The following CPS1 variants were observed in gnomAD, a reference collection of about 807,000 sequenced individuals.
CPS1 encodes the protein carbamoyl-phosphate synthase 1.
Under a neutral mutation model 174.6 loss-of-function variants are expected in CPS1, and 109 were observed. That is an observed-to-expected ratio of 0.62 (90% CI 0.53 to 0.73). The LOEUF (loss-of-function observed/expected upper bound fraction) is 0.73, where lower values mean the gene tolerates loss of function less well. CPS1 is among the 30% of genes least tolerant of loss of function. CPS1 has a pLI of 0.00. For synonymous variants in CPS1, 637 were observed against 632.0 expected (o/e 1.01, Z -0.12); for missense variants, 1,689 against 1,821.9 (o/e 0.93, Z 1.33).
In CPS1 at chr2:210,629,354, G is replaced by A. The variant is rs181628218; in HGVS notation, c.2688-8348G>A. Among the ~76,000 whole-genome samples, 186 of 151,254 alleles carry A rather than the reference G, an allele frequency of 1.2e-3. 2 individuals are homozygous for A. In the East Asian group the frequency reaches 0.029, roughly 24 times the overall value. ...TTTTGAGACGGAGTCTCGCTCTGTC[G>A]CCCAGGCTGGAGTGCAGTGGCGCGA... On this transcript the variant is annotated intron_variant, in intron 21 of 37. Transcript: ENST00000233072.
intron 1 of CPS1, among the ~76,000 whole-genome samples, chr2:210,532,356 T>C (rs1696138199): frequency 6.6e-6 from 1 of 152,164 alleles, no homozygotes; most frequent in Admixed American, 6.5e-5. Context: ...AAAATTATTC[T>C]GAAGAATGAA....
rs765484849 is a variant in CPS1 at position 210,637,754 on chromosome 2, G to C, written c.2740G>C (p.Asp914His). The C allele has an allele frequency of 3.1e-6, 5 of 1,613,938 alleles. No homozygotes were observed. The highest frequency in any genetic ancestry group is 3.4e-6 in the Non-Finnish European group (4 of 1,179,942). ...AAGGGCAAAGGAGATTGGGTTCTCA[G>C]ATAAGCAGATTTCAAAATGCCTTGG... is the stretch of plus-strand genomic sequence containing the variant. The part of the protein sequence containing the change: ...LKRAKEIGFS[D>H]KQISKCLGLT... Residue 914 changes from aspartate (D) to histidine (H), a missense_variant, in exon 22 of 38, where the codon GAT becomes CAT. Transcript: ENST00000233072.
intron 1 of CPS1, among the ~76,000 whole-genome samples, chr2:210,479,016 T>G (rs1230296231): frequency 6.6e-6 from 1 of 150,378 alleles, no homozygotes; most frequent in Non-Finnish European, 1.5e-5. Flanking sequence ...AATCCCTCCT[T>G]GGTTCTGATA....
intron 19 of CPS1, among the ~76,000 whole-genome samples, chr2:210,610,293 G>C (rs1382436651): frequency 6.6e-6 from 1 of 151,780 alleles, no homozygotes; most frequent in Non-Finnish European, 1.5e-5. Flanking sequence ...GAGGGATTTT[G>C]TTGTCAAACA....
chr2:210,649,835 A>C (rs1033442049), intron 27 of CPS1, among the ~76,000 whole-genome samples: 1 of 152,208 alleles, frequency 6.6e-6, no homozygotes, highest in Non-Finnish European at 1.5e-5. Context: ...ATATAGTTGA[A>C]AAGGTTTTAT....
intron 1 of CPS1, among the ~76,000 whole-genome samples, chr2:210,536,584 C>T (rs1475952516): frequency 6.6e-6 from 1 of 152,130 alleles, no homozygotes; most frequent in Non-Finnish European, 1.5e-5. Flanking sequence ...CCTCGGCCTC[C>T]CAAAGTGCTG....
intron 1 of CPS1, among the ~76,000 whole-genome samples, chr2:210,478,814 T>G (rs1694477614): frequency 6.6e-6 from 1 of 152,140 alleles, no homozygotes; most frequent in African/African-American, 2.4e-5. Flanking sequence ...GGAAGGGAAG[T>G]AGAATTATTT....
At chr2:210,570,125 T>C (rs1038600973) in intron 1 of CPS1, among the ~76,000 whole-genome samples, 1 of 151,896 alleles carries the variant, frequency 6.6e-6, no homozygotes, top group African/African-American at 2.4e-5. Context: ...TTTAAATGCA[T>C]CAGGGGCCAG....
chr2:210,648,001 G>T lies in CPS1; in HGVS notation c.3280G>T (p.Ala1094Ser), dbSNP rs1700435265. The change falls in exon 26 of 38, where the codon GCT becomes TCT. Residue 1094 changes from alanine (A) to serine (S), a missense_variant. Transcript: ENST00000233072. ...DRAEDRSIFSAVLDELKVAQA... is the reference protein window; with the variant it reads ...DRAEDRSIFSSVLDELKVAQA... The stretch of plus-strand genomic sequence containing the variant: ...GGCTGAGGATCGCTCCATCTTCTCA[G>T]CTGTCTTGGATGAGCTGAAGGTGGC... The T allele has an allele frequency of 1.2e-6, 2 of 1,614,020 alleles. No homozygotes were observed. Among genetic ancestry groups the T allele is most frequent in the East Asian group, 4.5e-5 (2 of 44,870 alleles).
At chr2:210,602,478 C>A in intron 16 of CPS1, 148 bp downstream of exon 16, 1 of 1,039,040 alleles carries the variant, frequency 9.6e-7, no homozygotes, top group Non-Finnish European at 1.4e-6. Flanking sequence ...CAAAAGATGA[C>A]ACTTTTGCGA....
chr2:210,656,569 C>G lies in CPS1; in HGVS notation c.3603C>G (p.Val1201=). Residue 1201 remains valine (V), a synonymous_variant, in exon 30 of 38, where the codon GTC becomes GTG. Coordinates refer to ENST00000233072, the MANE Select transcript of CPS1 (RefSeq NM_001875.5). The stretch of plus-strand genomic sequence containing the variant: ...CTGAACATGTTGAAGATGCAGGTGT[C>G]CACTCGGGAGATGCCACTCTGATGC... ...AISEHVEDAG[V]HSGDATLMLP... The G allele has an allele frequency of 6.2e-7, 1 of 1,610,304 alleles. No individual in the cohort carries two copies. The highest frequency in any genetic ancestry group is 8.5e-7 in the Non-Finnish European group (1 of 1,179,388).
At chr2:210,634,848 C>T (rs1348789865) in intron 21 of CPS1, among the ~76,000 whole-genome samples, 2 of 152,234 alleles carry the variant, frequency 1.3e-5, no homozygotes, top group South Asian at 2.1e-4. Flanking sequence ...CAGTATGTTT[C>T]CCATACGTGC....
chr2:210,618,096 G>A (rs186655963), intron 21 of CPS1: 35 of 152,110 alleles, frequency 2.3e-4, no homozygotes, highest in African/African-American at 7.0e-4. Context: ...GGCAGGTTGA[G>A]ATTCTAACTA....
chr2:210,575,784 A>C (rs1347015762), intron 2 of CPS1, among the ~76,000 whole-genome samples: 1 of 152,132 alleles, frequency 6.6e-6, no homozygotes. Context: ...TTATTCTTTC[A>C]TATAAATTAA....
intron 19 of CPS1, 146 bp from the exon 20 acceptor site, chr2:210,611,971 C>A: frequency 5.0e-6 from 3 of 594,376 alleles, no homozygotes; most frequent in South Asian, 2.2e-5. Context: ...AAAGGAACAC[C>A]TTTTTTTTTT....
rs946304790 is a variant in CPS1, at chr2:210,575,372, G to C, written c.237-974G>C. On this transcript the variant is annotated intron_variant, in intron 2 of 37. Coordinates refer to ENST00000233072, the MANE Select transcript of CPS1 (RefSeq NM_001875.5). ...TTTTGCAGAAAGTGGACATGGAAGA[G>C]AGCAGGAAAAAAACCTCAATTGCAG... Among the ~76,000 whole-genome samples the C allele has an allele frequency of 7.9e-5, 12 of 152,128 alleles. No individual in the cohort carries two copies. The East Asian group carries it at 2.1e-3, about 27-fold the overall frequency.
At chr2:210,601,158 C>CCT (rs1465816633) in intron 15 of CPS1, among the ~76,000 whole-genome samples, 2 of 151,852 alleles carry the variant, frequency 1.3e-5, no homozygotes, top group Non-Finnish European at 1.5e-5. Context: ...ATTAAAATGA[C>CCT]TGGAAAACCT....
intron 21 of CPS1, among the ~76,000 whole-genome samples, chr2:210,627,153 T>C (rs572110858): frequency 1.9e-3 from 282 of 152,258 alleles, no homozygotes; most frequent in Non-Finnish European, 3.2e-3. Flanking sequence ...GAGGAGACAT[T>C]GTGAGGAATT....
chr2:210,518,978 C>T (rs890260611), intron 1 of CPS1, among the ~76,000 whole-genome samples: 3 of 151,904 alleles, frequency 2.0e-5, no homozygotes, highest in African/African-American at 7.3e-5. Context: ...ATCTTTAGTT[C>T]CTACCCTTCT....
Sources: allele counts gnomAD v4.1 joint callset (sites outside exome capture counted in the v4.1 genomes callset), GRCh38; gene constraint gnomAD v4.1.1; transcripts MANE v1.5; gene names NCBI Gene and HGNC (gene_info 2026-07-23, HGNC 2026-07-21).